Variants in MBD3L1 observed in about 807,000 individuals in gnomAD.
The protein encoded by MBD3L1 is methyl-CpG-binding domain protein 3-like 1.
For synonymous variants in MBD3L1, 84 were observed against 85.1 expected, an observed-to-expected ratio of 0.99 and a Z score of 0.07; for missense variants, 203 against 230.1, an observed-to-expected ratio of 0.88 and a Z score of 0.76.
intron 1 of MBD3L1, among the ~76,000 whole-genome samples, chr19:8,840,507 G>T (rs772829013): frequency 6.6e-6 from 1 of 152,044 alleles, no homozygotes; most frequent in Non-Finnish European, 1.5e-5. Flanking sequence ...GTCCCCCTAC[G>T]TTGCCCTGAC....
At chr19:8,838,721 A>T (rs1006763905) in intron 1 of MBD3L1, among the ~76,000 whole-genome samples, 1 of 152,320 alleles carries the variant, frequency 6.6e-6, no homozygotes, top group Non-Finnish European at 1.5e-5. Flanking sequence ...AGTCGTAGGT[A>T]AAGAAAGACA....
At chr19:8,842,443 A>C (rs547490033) in intron 2 of MBD3L1, 1 of 490,972 alleles carries the variant, frequency 2.0e-6, no homozygotes, top group South Asian at 2.9e-5. Context: ...AATAGTACTC[A>C]AACAAGGAGG....
chr19:8,839,686 A>T (rs1043307385), intron 1 of MBD3L1, among the ~76,000 whole-genome samples: 3 of 152,084 alleles, frequency 2.0e-5, no homozygotes, highest in Non-Finnish European at 4.4e-5. Context: ...GGTGAAGGAA[A>T]ACAGAAGTTT....
chr19:8,833,502 AG>A (rs2044411846), intron 1 of MBD3L1: 1 of 152,228 alleles, frequency 6.6e-6, no homozygotes, highest in African/African-American at 2.4e-5. Flanking sequence ...TGTATGCCGT[AG>A]TCATATTCAT....
At chr19:8,838,715 G>A (rs144249752) in intron 1 of MBD3L1, among the ~76,000 whole-genome samples, 251 of 152,304 alleles carry the variant, frequency 1.6e-3, no homozygotes, top group African/African-American at 5.6e-3. Flanking sequence ...CAAGACAGTC[G>A]TAGGTAAAGA....
intron 1 of MBD3L1, among the ~76,000 whole-genome samples, chr19:8,840,507 G>A (rs772829013): frequency 7.2e-5 from 11 of 152,044 alleles, no homozygotes; most frequent in Non-Finnish European, 8.8e-5. Context: ...GTCCCCCTAC[G>A]TTGCCCTGAC....
At chr19:8,834,375 T>C (rs1599306999) in intron 1 of MBD3L1, among the ~76,000 whole-genome samples, 2 of 151,916 alleles carry the variant, frequency 1.3e-5, no homozygotes, top group African/African-American at 4.8e-5. Context: ...TTTGGGAGGC[T>C]GAGGCAGGCA....
At chr19:8,835,277 C>A (rs1336349519) in intron 1 of MBD3L1, among the ~76,000 whole-genome samples, 2 of 152,086 alleles carry the variant, frequency 1.3e-5, no homozygotes, top group Admixed American at 1.3e-4. Context: ...GTCTTGAACT[C>A]CTGACCTCAA....
At chr19:8,837,151 T>A (rs1005619430) in intron 1 of MBD3L1, among the ~76,000 whole-genome samples, 1 of 152,212 alleles carries the variant, frequency 6.6e-6, no homozygotes, top group Non-Finnish European at 1.5e-5. Flanking sequence ...CATTGATAAG[T>A]ACCAGTTTCT....
intron 1 of MBD3L1, among the ~76,000 whole-genome samples, chr19:8,839,592 C>T (rs938426569): frequency 1.3e-5 from 2 of 152,142 alleles, no homozygotes; most frequent in Non-Finnish European, 2.9e-5. Context: ...CTTCAAGAGT[C>T]ATGTCAGATG....
At position 8,838,252 on chromosome 19, in the gene MBD3L1, CAAAAAAAAAAAAAAAAAAA is replaced by C. The variant is rs542318207; in HGVS notation, c.-106-2650_-106-2632del. Among the ~76,000 whole-genome samples, 6 of 11,832 alleles carry C rather than the reference CAAAAAAAAAAAAAAAAAAA, an allele frequency of 5.1e-4. 1 individual carries two copies. In the South Asian group the frequency reaches 0.01, roughly 20 times the overall value. The allele number at this position is 11,832 out of a possible 152,430, so 7.8% of individuals were successfully genotyped here. On this transcript the variant is annotated intron_variant, in intron 1 of 2. Transcript: ENST00000595891. ...TGGACGACAGAGCAAGACTCCATCT[CAAAAAAAAAAAAAAAAAAA>C]AAAAAAAAAAAAGATCAGCAGCCCC... is the stretch of plus-strand genomic sequence containing the variant.
intron 2 of MBD3L1, among the ~76,000 whole-genome samples, chr19:8,841,421 G>T (rs571709100): frequency 8.6e-5 from 13 of 152,038 alleles, no homozygotes; most frequent in Non-Finnish European, 1.6e-4. Flanking sequence ...ACGGAGGTCC[G>T]GAGTAATTCA....
intron 2 of MBD3L1, among the ~76,000 whole-genome samples, chr19:8,841,966 C>A (rs2044516883): frequency 6.6e-6 from 1 of 152,180 alleles, no homozygotes; most frequent in African/African-American, 2.4e-5. Flanking sequence ...GACTTACAAG[C>A]TGCAGGAACT....
In MBD3L1 at chr19:8,842,687, G is replaced by C. The variant is rs1179691526; in HGVS notation, c.9G>C (p.Lys3Asn). MAKSSQRKQRDCV... is the reference protein window; with the variant it reads MANSSQRKQRDCV... ...AGAGGAAAAGAAGTGTGATGGCCAAGAGTTCACAGAGGAAGCAACGTGACT... is the reference window on the plus strand; with the variant it reads ...AGAGGAAAAGAAGTGTGATGGCCAACAGTTCACAGAGGAAGCAACGTGACT... Residue 3 changes from lysine (K) to asparagine (N), a missense_variant, in exon 3 of 3, where the codon AAG becomes AAC. By Grantham distance (94) the Lys-to-Asn change is moderately conservative. Transcript: ENST00000595891. 4 of 1,613,008 alleles carry C rather than the reference G, an allele frequency of 2.5e-6. No homozygotes were observed. Among genetic ancestry groups the C allele is most frequent in the Non-Finnish European group, 3.4e-6 (4 of 1,179,344 alleles).
At chr19:8,840,462 C>G (rs1372036470) in intron 1 of MBD3L1, among the ~76,000 whole-genome samples, 1 of 152,130 alleles carries the variant, frequency 6.6e-6, no homozygotes, top group Non-Finnish European at 1.5e-5. Context: ...TATCATCACC[C>G]CCAGCTAACT....
intron 1 of MBD3L1, among the ~76,000 whole-genome samples, chr19:8,836,190 T>C (rs2044453360): frequency 6.6e-6 from 1 of 152,226 alleles, no homozygotes; most frequent in Admixed American, 6.5e-5. Context: ...TTAAAAAATG[T>C]AGAATTATAC....
Position 8,842,877 on chromosome 19 carries a change from T to TGGCAGAGGAGACTGCA in MBD3L1, c.202_217dup (p.Gly73AlafsTer32). 1 of 1,614,244 alleles carries TGGCAGAGGAGACTGCA rather than the reference T, an allele frequency of 6.2e-7. No individual in the cohort carries two copies. The highest frequency in any genetic ancestry group is 8.5e-7 in the Non-Finnish European group (1 of 1,180,036). ...CTTGGAGAAGCCTCAGCAGGTCTGC[T>TGGCAGAGGAGACTGCA]GGCAGAGGAGACTGCAGGGACTCCA... On this transcript the variant is annotated frameshift_variant, in exon 3 of 3. Coordinates refer to ENST00000595891, the MANE Select transcript of MBD3L1 (RefSeq NM_001393532.1). LOFTEE classifies it low-confidence loss of function (END_TRUNC).
In MBD3L1 at chr19:8,843,262, A is replaced by T; in HGVS notation, c.584A>T (p.Ter195LeuextTer6). ...RDQEGRPEKR[*>L] ...CAAGAAGGCCGTCCTGAAAAACGCT[A>T]AGAAAAAAAGGGAAGATAGTGCAGA... Residue 195 changes from the stop codon to leucine (L), a stop_lost, in exon 3 of 3, where the codon TAA becomes TTA. Transcript: ENST00000595891. The T allele has an allele frequency of 3.8e-6, 6 of 1,563,772 alleles. No individual in the cohort carries two copies. The highest frequency in any genetic ancestry group is 5.2e-6 in the Non-Finnish European group (6 of 1,157,056).
chr19:8,839,287 C>T (rs528535609), intron 1 of MBD3L1, among the ~76,000 whole-genome samples: 1 of 151,068 alleles, frequency 6.6e-6, no homozygotes, highest in Non-Finnish European at 1.5e-5. Flanking sequence ...CAGGTTCACG[C>T]CATTCTCCTG....
Sources: allele counts gnomAD v4.1 joint callset (sites outside exome capture counted in the v4.1 genomes callset), GRCh38; gene constraint gnomAD v4.1.1; transcripts MANE v1.5; gene names NCBI Gene and HGNC (gene_info 2026-07-23, HGNC 2026-07-21).